The following HFM1 variants were observed in gnomAD, a reference collection of about 807,000 sequenced individuals.
The protein encoded by HFM1 is probable ATP-dependent DNA helicase HFM1.
In HFM1, 169 loss-of-function variants were observed where a neutral mutation model predicts 192.1. The ratio of observed to expected loss-of-function variants is 0.88; its 90% CI spans 0.78 to 1.00. The LOEUF is 1.00. Among genes scored for constraint, HFM1 ranks in the 50% least tolerant of loss-of-function variants. HFM1 has a pLI of 0.00. For missense variants in HFM1, 1,661 were observed against 1,668.0 expected, an observed-to-expected ratio of 1.00 and a Z score of 0.07; for synonymous variants, 525 against 537.8, an observed-to-expected ratio of 0.98 and a Z score of 0.33.
At position 91,313,940 on chromosome 1, in the gene HFM1, T is replaced by C; in HGVS notation, c.3244+17A>G. On this transcript the variant is annotated intron_variant, in intron 29 of 38. Transcript: ENST00000370425. ...ATATTATTTATATTCATGTCTTCAT[T>C]ACTTCAATTAACTTACCAAATTCAG... The C allele has an allele frequency of 7.6e-7, 1 of 1,309,476 alleles. No individual in the cohort carries two copies. The highest frequency in any genetic ancestry group is 1.5e-5 in the African/African-American group (1 of 68,530). 81.1% of individuals were successfully genotyped at this position (1,309,476 alleles called of 1,614,324 possible).
chr1:91,329,534 T>C, intron 20 of HFM1: 8 of 1,459,254 alleles, frequency 5.5e-6, no homozygotes, highest in Non-Finnish European at 7.4e-6. Context: ...GTTTCCCCAT[T>C]ATACCTCCTT....
chr1:91,347,723 T>C (rs1183743352), intron 18 of HFM1, among the ~76,000 whole-genome samples: 4 of 152,330 alleles, frequency 2.6e-5, no homozygotes, highest in Non-Finnish European at 4.4e-5. Flanking sequence ...AAGTGATTAA[T>C]ATCTTCTAAT....
chr1:91,384,316 G>A (rs1323524122), intron 6 of HFM1, among the ~76,000 whole-genome samples: 1 of 152,072 alleles, frequency 6.6e-6, no homozygotes, highest in East Asian at 1.9e-4. Context: ...TAAACTGCTG[G>A]TGAATTAAAA....
At chr1:91,381,579 G>A (rs1319141698) in intron 6 of HFM1, among the ~76,000 whole-genome samples, 3 of 152,090 alleles carry the variant, frequency 2.0e-5, no homozygotes, top group South Asian at 4.1e-4. Flanking sequence ...CAGATATGAA[G>A]AATAAACTGT....
chr1:91,404,960 T>C, upstream of HFM1: 4 of 433,786 alleles, frequency 9.2e-6, no homozygotes, highest in East Asian at 3.0e-4. Flanking sequence ...GTTTTGAATA[T>C]ATCTCTTGCA....
chr1:91,364,842 C>T (rs1659067292), intron 13 of HFM1, among the ~76,000 whole-genome samples: 1 of 151,326 alleles, frequency 6.6e-6, no homozygotes, highest in South Asian at 2.1e-4. Flanking sequence ...ACCATGTTAG[C>T]CAGGGTGGTC....
At chr1:91,403,373 T>TA (rs1022082199) in intron 1 of HFM1, among the ~76,000 whole-genome samples, 2 of 152,170 alleles carry the variant, frequency 1.3e-5, no homozygotes, top group Admixed American at 6.5e-5. Context: ...AACGTTCAGT[T>TA]AAAAAATGTG....
chr1:91,334,696 C>T (rs1307472171), intron 20 of HFM1, among the ~76,000 whole-genome samples: 4 of 151,784 alleles, frequency 2.6e-5, no homozygotes, highest in African/African-American at 7.3e-5. Flanking sequence ...TTTGGGAGGC[C>T]GAGGCAGGTG....
rs71087940 is a variant in HFM1, at chr1:91,264,361, A to ATTTTTTTTTTTTTTTTTTTTTTTT, written c.3974+1632_3974+1655dup. Among the ~76,000 whole-genome samples the ATTTTTTTTTTTTTTTTTTTTTTTT allele has an allele frequency of 3.6e-3, 206 of 57,086 alleles. 38 individuals carry two copies. The highest frequency in any genetic ancestry group is 0.015 in the Middle Eastern group (1 of 68). 37.5% of individuals were successfully genotyped at this position (57,086 alleles called of 152,430 possible). A position where few individuals can be genotyped will look rare whatever the true frequency, so the allele number is the denominator to read the frequency against. ...TTCCAAGGGATACCACAAATTTAGT[A>ATTTTTTTTTTTTTTTTTTTTTTTT]TTTTTTTTTTTTTTTTTTTTTTTTT... On this transcript the variant is annotated intron_variant, in intron 36 of 38. Coordinates refer to ENST00000370425, the MANE Select transcript of HFM1 (RefSeq NM_001017975.6).
intron 4 of HFM1, among the ~76,000 whole-genome samples, chr1:91,387,310 G>C (rs1317283280): frequency 6.6e-6 from 1 of 151,974 alleles, no homozygotes; most frequent in Admixed American, 6.6e-5. Context: ...CGACATCGAA[G>C]GATCAAAAAG....
rs1557835354 is a variant in HFM1 at position 91,315,889 on chromosome 1, T to C, written c.3066A>G (p.Thr1022=). 1 of 1,610,156 alleles carries C rather than the reference T, an allele frequency of 6.2e-7. No individual in the cohort carries two copies. ...AGGTAACATAGTGAGAATCCGATGC[T>C]GTTCTTTTAGTTTGTAGCTGTTCAA... ...RNFEQLQTKR[T]ASDSHYVTLI... Residue 1022 remains threonine (T), a synonymous_variant, in exon 28 of 39, where the codon ACA becomes ACG. Transcript: ENST00000370425.
intron 4 of HFM1, among the ~76,000 whole-genome samples, chr1:91,393,049 TAAGA>T (rs1663210381): frequency 6.6e-6 from 1 of 152,030 alleles, no homozygotes; most frequent in Non-Finnish European, 1.5e-5. Context: ...GGTAAATACA[TAAGA>T]ATGAAAAAAA....
chr1:91,349,860 G>A (rs547095062), intron 18 of HFM1, among the ~76,000 whole-genome samples: 18 of 152,270 alleles, frequency 1.2e-4, no homozygotes, highest in Admixed American at 5.9e-4. Flanking sequence ...AATATGCCAC[G>A]ATTTGTGTTT....
At chr1:91,404,642 G>A (rs1048432852) in intron 1 of HFM1, 156 bp downstream of exon 1, 2 of 275,546 alleles carry the variant, frequency 7.3e-6, no homozygotes, top group Non-Finnish European at 1.4e-5. Flanking sequence ...GAGACGCCTG[G>A]TGACCAACAA....
At chr1:91,279,796 T>C (rs1667293801) in intron 30 of HFM1, among the ~76,000 whole-genome samples, 1 of 152,150 alleles carries the variant, frequency 6.6e-6, no homozygotes. Flanking sequence ...TGATCTGATT[T>C]CCCTCTCCTT....
rs117689447 is a variant in HFM1, at chr1:91,315,289, C to T, written c.3140+526G>A. On this transcript the variant is annotated intron_variant, in intron 28 of 38. Coordinates refer to ENST00000370425, the MANE Select transcript of HFM1 (RefSeq NM_001017975.6). ...ATCCTTAGAGATTGCTTATGACATC[C>T]TGGGAGAAAATAATAGTACCTGGAA... Among the ~76,000 whole-genome samples, 239 of 152,136 alleles carry T rather than the reference C, an allele frequency of 1.6e-3. 3 individuals are homozygous for T. The East Asian group carries it at 0.023, about 15-fold the overall frequency.
chr1:91,395,144 G>A (rs1490174182), intron 3 of HFM1, among the ~76,000 whole-genome samples: 5 of 152,000 alleles, frequency 3.3e-5, no homozygotes, highest in Non-Finnish European at 7.4e-5. Context: ...TACATTGTTT[G>A]AGTGTGCTTG....
At chr1:91,295,214 TTATACA>T (rs1243926713) in intron 30 of HFM1, among the ~76,000 whole-genome samples, 1 of 152,244 alleles carries the variant, frequency 6.6e-6, no homozygotes, top group African/African-American at 2.4e-5. Flanking sequence ...AAATGTTTAC[TTATACA>T]TATAGGAGTT....
chr1:91,298,920 T>A (rs1648173811), intron 30 of HFM1, among the ~76,000 whole-genome samples: 1 of 152,064 alleles, frequency 6.6e-6, no homozygotes, highest in Non-Finnish European at 1.5e-5. Context: ...AATGACAGGA[T>A]CAAATTCACA....
Sources: allele counts gnomAD v4.1 joint callset (sites outside exome capture counted in the v4.1 genomes callset), GRCh38; gene constraint gnomAD v4.1.1; transcripts MANE v1.5; gene names NCBI Gene and HGNC (gene_info 2026-07-23, HGNC 2026-07-21).